The following CTTNBP2NL variants were observed in gnomAD, a reference collection of about 807,000 sequenced individuals.
CTTNBP2NL encodes CTTNBP2 N-terminal-like protein.
In CTTNBP2NL, 16 loss-of-function variants were observed where a neutral mutation model predicts 32.5. The observed-to-expected ratio is 0.49, with a 90% CI of 0.33 to 0.75. The LOEUF (loss-of-function observed/expected upper bound fraction) is 0.75, where lower values mean the gene tolerates loss of function less well. CTTNBP2NL is among the 30% of genes least tolerant of loss of function. CTTNBP2NL has a pLI of 0.02. For synonymous variants in CTTNBP2NL, 298 were observed against 289.4 expected, an observed-to-expected ratio of 1.03 and a Z score of -0.30; for missense variants, 645 against 756.0, an observed-to-expected ratio of 0.85 and a Z score of 1.72.
chr1:112,406,074 C>T (rs748129141), intron 1 of CTTNBP2NL, among the ~76,000 whole-genome samples: 1 of 151,828 alleles, frequency 6.6e-6, no homozygotes, highest in Non-Finnish European at 1.5e-5. Context: ...ATCCCAGCTA[C>T]TTAGGAGGCT....
chr1:112,436,345 T>C (rs1184848728), intron 3 of CTTNBP2NL, among the ~76,000 whole-genome samples: 1 of 152,216 alleles, frequency 6.6e-6, no homozygotes, highest in African/African-American at 2.4e-5. Context: ...GAGCCAGTTT[T>C]CCTATTCCTT....
intron 3 of CTTNBP2NL, among the ~76,000 whole-genome samples, chr1:112,422,870 G>A (rs2483360): frequency 0.55 from 83,810 of 151,960 alleles, 24,252 homozygotes; most frequent in South Asian, 0.71. Flanking sequence ...ATGGCTCACT[G>A]CAGCCTCAAC....
upstream of CTTNBP2NL, among the ~76,000 whole-genome samples, chr1:112,395,090 G>A (rs1570707176): frequency 6.6e-6 from 1 of 152,254 alleles, no homozygotes; most frequent in East Asian, 1.9e-4. Flanking sequence ...TCTGCCTTGG[G>A]GACTGTCTGC....
At chr1:112,449,990 A>C (rs1650170388) in intron 4 of CTTNBP2NL, among the ~76,000 whole-genome samples, 1 of 152,192 alleles carries the variant, frequency 6.6e-6, no homozygotes, top group Non-Finnish European at 1.5e-5. Context: ...TTGGCCTGTA[A>C]AAGATGCTTG....
intron 3 of CTTNBP2NL, among the ~76,000 whole-genome samples, chr1:112,442,057 G>C (rs544168963): frequency 6.6e-6 from 1 of 152,234 alleles, no homozygotes; most frequent in African/African-American, 2.4e-5. Context: ...ATATATGAGA[G>C]ATCTCTGTAC....
chr1:112,455,934 G>A lies in CTTNBP2NL; in HGVS notation c.442G>A (p.Glu148Lys). 6.4e-7 allele frequency: 1 copy of A among 1,574,748 alleles called. No homozygotes were observed. The highest frequency in any genetic ancestry group is 8.6e-7 in the Non-Finnish European group (1 of 1,165,286). The change falls in exon 6 of 6, where the codon GAA (glutamate) becomes AAA (lysine). Residue 148 changes from glutamate (E) to lysine (K), a missense_variant. Coordinates refer to ENST00000271277, the MANE Select transcript of CTTNBP2NL (RefSeq NM_018704.3). Reference sequence around the variant, plus strand: ...TCTCTTTTCTTTTTTTTTCTAGTTGGAATTTGAAAAATCCCAAGTGAAAAA... The same window carrying A: ...TCTCTTTTCTTTTTTTTTCTAGTTGAAATTTGAAAAATCCCAAGTGAAAAA... ...KERERLTQQL[E>K]FEKSQVKKFE... is the part of the protein sequence containing the mutation.
At chr1:112,403,393 A>AT (rs1278477614) in intron 1 of CTTNBP2NL, among the ~76,000 whole-genome samples, 1 of 119,330 alleles carries the variant, frequency 8.4e-6, no homozygotes, top group Non-Finnish European at 1.6e-5. Flanking sequence ...TCCAACCAGC[A>AT]TTTTTTCAGT....
intron 1 of CTTNBP2NL, among the ~76,000 whole-genome samples, chr1:112,410,685 G>C (rs971082856): frequency 6.6e-6 from 1 of 152,192 alleles, no homozygotes; most frequent in African/African-American, 2.4e-5. Flanking sequence ...GTCTTGGAAG[G>C]AATTAGCTGA....
chr1:112,428,803 T>C (rs1183952660), intron 3 of CTTNBP2NL, among the ~76,000 whole-genome samples: 2 of 152,170 alleles, frequency 1.3e-5, no homozygotes, highest in Non-Finnish European at 2.9e-5. Flanking sequence ...AAATGCTGAT[T>C]ATGACCCCAC....
chr1:112,420,826 A>G (rs1044392167), intron 3 of CTTNBP2NL, among the ~76,000 whole-genome samples: 18 of 152,228 alleles, frequency 1.2e-4, no homozygotes, highest in African/African-American at 4.3e-4. Context: ...AAAAAGAAAC[A>G]TAAAGATAAT....
intron 1 of CTTNBP2NL, among the ~76,000 whole-genome samples, chr1:112,411,806 G>A (rs542591534): frequency 1.3e-5 from 2 of 151,714 alleles, no homozygotes; most frequent in Non-Finnish European, 2.9e-5. Context: ...CCTTAGCCTC[G>A]TGAGTAGCTG....
At chr1:112,452,999 C>T (rs145316941) in intron 4 of CTTNBP2NL, among the ~76,000 whole-genome samples, 1,636 of 151,038 alleles carry the variant, frequency 0.011, 40 homozygotes, top group African/African-American at 0.038. Context: ...CCTGTAGTCT[C>T]AGCTGCTCAG....
intron 4 of CTTNBP2NL, 136 bp downstream of exon 4, chr1:112,449,308 A>ATG: frequency 1.8e-6 from 1 of 543,140 alleles, no homozygotes; most frequent in Non-Finnish European, 3.2e-6. Flanking sequence ...CCCTTAGTTT[A>ATG]TGTAAGAGCC....
intron 1 of CTTNBP2NL, among the ~76,000 whole-genome samples, chr1:112,408,494 C>T (rs894543042): frequency 5.9e-5 from 9 of 152,042 alleles, no homozygotes; most frequent in African/African-American, 2.2e-4. Flanking sequence ...AATCTTAAAT[C>T]TTTTGAGATA....
At position 112,457,110 on chromosome 1, in the gene CTTNBP2NL, G is replaced by A. The variant is rs1650392300; in HGVS notation, c.1618G>A (p.Ala540Thr). The A allele has an allele frequency of 1.9e-6, 3 of 1,614,110 alleles. No homozygotes were observed. The highest frequency in any genetic ancestry group is 3.3e-5 in the Admixed American group (2 of 60,018). ...GTDYRNLANTANPRGDTSHSP... is the reference protein window; with the variant it reads ...GTDYRNLANTTNPRGDTSHSP... The stretch of plus-strand genomic sequence containing the variant: ...AGACTATCGAAATCTAGCCAACACT[G>A]CCAATCCAAGAGGTGACACAAGCCA... The change falls in exon 6 of 6, where the codon GCC (alanine) becomes ACC (threonine). Residue 540 changes from alanine (A) to threonine (T), a missense_variant. Coordinates refer to ENST00000271277, the MANE Select transcript of CTTNBP2NL (RefSeq NM_018704.3).
chr1:112,404,481 G>A (rs1429584259), intron 1 of CTTNBP2NL, among the ~76,000 whole-genome samples: 2 of 152,172 alleles, frequency 1.3e-5, no homozygotes, highest in Non-Finnish European at 2.9e-5. Flanking sequence ...GAATCTTAGT[G>A]GAATCAATGA....
intron 1 of CTTNBP2NL, among the ~76,000 whole-genome samples, chr1:112,399,827 G>A (rs1648442349): frequency 6.6e-6 from 1 of 152,020 alleles, no homozygotes; most frequent in Admixed American, 6.5e-5. Flanking sequence ...CCAGCACGTT[G>A]GGACATTGAG....
chr1:112,460,545 T>C lies in CTTNBP2NL; in HGVS notation c.*3133T>C, dbSNP rs141469342. On this transcript the variant is annotated 3_prime_UTR_variant, in exon 6 of 6. Transcript: ENST00000271277. ...CCCTAGAAAAATGAATATGCCTATA[T>C]GCAAAATTTGTTTGATGGCTTCATA... is the stretch of plus-strand genomic sequence containing the variant. 4 of 152,228 alleles carry C rather than the reference T, an allele frequency of 2.6e-5. No individual in the cohort carries two copies. Among genetic ancestry groups the C allele is most frequent in the Non-Finnish European group, 5.9e-5 (4 of 68,030 alleles). 9.4% of individuals were successfully genotyped at this position (152,228 alleles called of 1,614,324 possible). A position where few individuals can be genotyped will look rare whatever the true frequency, so the allele number is the denominator to read the frequency against.
At chr1:112,438,077 A>G (rs991108848) in intron 3 of CTTNBP2NL, among the ~76,000 whole-genome samples, 8 of 151,932 alleles carry the variant, frequency 5.3e-5, no homozygotes, top group African/African-American at 1.9e-4. Flanking sequence ...GGGTTTTTAT[A>G]GTTTTTGGGT....
Sources: gnomAD v4.1 joint callset for allele counts (sites outside exome capture counted in the v4.1 genomes callset) on GRCh38, gnomAD v4.1.1 for gene constraint, MANE v1.5 for transcripts, NCBI Gene and HGNC (gene_info 2026-07-23, HGNC 2026-07-21) for gene names.